Variants in PLEKHO2 observed in about 807,000 individuals in gnomAD.
The protein encoded by PLEKHO2 is pleckstrin homology domain-containing family O member 2.
PLEKHO2 carries 20 observed loss-of-function variants against 32.7 expected under a neutral mutation model. The observed-to-expected ratio is 0.61, with a 90% confidence interval of 0.43 to 0.89. The LOEUF (loss-of-function observed/expected upper bound fraction) is 0.89, where lower values mean the gene tolerates loss of function less well. PLEKHO2 is among the 40% of genes least tolerant of loss of function. The pLI is 0.00. For missense variants in PLEKHO2, 568 were observed against 621.2 expected, an observed-to-expected ratio of 0.91 and a Z score of 0.91; for synonymous variants, 247 against 246.3, an observed-to-expected ratio of 1.00 and a Z score of -0.03.
At chr15:64,849,934 G>A (rs186409502) in intron 2 of PLEKHO2, among the ~76,000 whole-genome samples, 3 of 151,720 alleles carry the variant, frequency 2.0e-5, no homozygotes, top group African/African-American at 7.3e-5. Flanking sequence ...GCCGAGGCAG[G>A]CGGATCACCT....
chr15:64,847,906 A>G (rs981776113), intron 1 of PLEKHO2, among the ~76,000 whole-genome samples: 3 of 152,132 alleles, frequency 2.0e-5, no homozygotes, highest in Admixed American at 2.0e-4. Flanking sequence ...GCAGATTGCC[A>G]CTCAGCCTGC....
chr15:64,847,079 T>G (rs1196250583), intron 1 of PLEKHO2, among the ~76,000 whole-genome samples: 1 of 152,218 alleles, frequency 6.6e-6, no homozygotes, highest in Non-Finnish European at 1.5e-5. Flanking sequence ...AGTGGTTTGC[T>G]TCAGTCTGCA....
chr15:64,857,320 G>A (rs1030933219), intron 3 of PLEKHO2, among the ~76,000 whole-genome samples: 2 of 152,122 alleles, frequency 1.3e-5, no homozygotes, highest in African/African-American at 4.8e-5. Context: ...TGGTTTTTGG[G>A]GAGAGGCACA....
chr15:64,863,528 T>A (rs895049859), intron 5 of PLEKHO2, among the ~76,000 whole-genome samples: 1 of 147,590 alleles, frequency 6.8e-6, no homozygotes, highest in Non-Finnish European at 1.5e-5. Context: ...TTTGTGTGTG[T>A]GTGTGTGTGT....
chr15:64,844,058 C>T (rs1049721661), intron 1 of PLEKHO2, among the ~76,000 whole-genome samples: 1 of 152,208 alleles, frequency 6.6e-6, no homozygotes, highest in African/African-American at 2.4e-5. Context: ...CAGTAGCTTC[C>T]GCTTGTTGCA....
intron 1 of PLEKHO2, 27 bp from the exon 2 acceptor site, chr15:64,848,566 A>G (rs920365593): frequency 6.2e-7 from 1 of 1,613,716 alleles, no homozygotes; most frequent in Non-Finnish European, 8.5e-7. Flanking sequence ...AGCAACCCTC[A>G]TGGTATGAAC....
chr15:64,847,176 G>T (rs537301719), intron 1 of PLEKHO2, among the ~76,000 whole-genome samples: 1 of 152,288 alleles, frequency 6.6e-6, no homozygotes, highest in Middle Eastern at 3.4e-3. Flanking sequence ...ACCAGGCTGG[G>T]GTTCCCCTGC....
At chr15:64,851,500 CTTAA>C (rs2084568722) in intron 2 of PLEKHO2, among the ~76,000 whole-genome samples, 1 of 152,158 alleles carries the variant, frequency 6.6e-6, no homozygotes, top group East Asian at 1.9e-4. Context: ...ATTTCAGGAA[CTTAA>C]CACTTAGGGG....
chr15:64,856,339 C>CT (rs1435731152), intron 3 of PLEKHO2, among the ~76,000 whole-genome samples: 3 of 152,118 alleles, frequency 2.0e-5, no homozygotes, highest in East Asian at 1.9e-4. Flanking sequence ...ATGTGTGTAT[C>CT]TTTTTTTAAT....
At chr15:64,854,604 G>T (rs1210845085) in intron 2 of PLEKHO2, among the ~76,000 whole-genome samples, 1 of 152,224 alleles carries the variant, frequency 6.6e-6, no homozygotes, top group Non-Finnish European at 1.5e-5. Context: ...CTCTGGGCAT[G>T]GCTGGACCCC....
chr15:64,849,635 G>T (rs113783650), intron 2 of PLEKHO2, among the ~76,000 whole-genome samples: 1,615 of 150,584 alleles, frequency 0.011, 7 homozygotes, highest in Middle Eastern at 0.021. Context: ...TAGAGACAGG[G>T]TTTCACCCTG....
chr15:64,855,353 G>T (rs550428950), intron 3 of PLEKHO2, among the ~76,000 whole-genome samples: 1 of 152,188 alleles, frequency 6.6e-6, no homozygotes, highest in Non-Finnish European at 1.5e-5. Context: ...GCACTTGGCT[G>T]TACCCCAGAC....
chr15:64,844,355 G>A (rs2084507828), intron 1 of PLEKHO2, among the ~76,000 whole-genome samples: 1 of 152,240 alleles, frequency 6.6e-6, no homozygotes, highest in African/African-American at 2.4e-5. Flanking sequence ...TGTGCTCCTG[G>A]CCTCGGTTCC....
chr15:64,859,922 C>A lies in PLEKHO2; in HGVS notation c.308C>A (p.Thr103Asn). 1 of 1,614,190 alleles carries A rather than the reference C, an allele frequency of 6.2e-7. No individual in the cohort carries two copies. The highest frequency in any genetic ancestry group is 8.5e-7 in the Non-Finnish European group (1 of 1,180,030). ...AGCGACATCAAATTCCAGGCACCCACCGGGGAGGAGAAGGAATCCTGGATC... is the reference window on the plus strand; with the variant it reads ...AGCGACATCAAATTCCAGGCACCCAACGGGGAGGAGAAGGAATCCTGGATC... ...KVSDIKFQAP[T>N]GEEKESWIKA... is the part of the protein sequence containing the mutation. Residue 103 changes from threonine to asparagine, a missense_variant, in exon 4 of 6, where the codon ACC becomes AAC. By Grantham distance (65) the Thr-to-Asn change is moderately conservative. Coordinates refer to ENST00000323544, the MANE Select transcript of PLEKHO2 (RefSeq NM_025201.5).
At chr15:64,851,571 T>C (rs953288976) in intron 2 of PLEKHO2, among the ~76,000 whole-genome samples, 2 of 152,186 alleles carry the variant, frequency 1.3e-5, no homozygotes, top group Non-Finnish European at 2.9e-5. Flanking sequence ...TCAATTCCTC[T>C]TTCTGATGTA....
rs772552574 is a variant in PLEKHO2 at position 64,859,960 on chromosome 15, G to A, written c.346G>A (p.Glu116Lys). 2 of 1,614,214 alleles carry A rather than the reference G, an allele frequency of 1.2e-6. No homozygotes were observed. The highest frequency in any genetic ancestry group is 1.1e-5 in the South Asian group (1 of 91,086). Reference sequence around the variant, plus strand: ...GGAATCCTGGATCAAAGCCCTCAATGAAGGGATTAACCGAGGCAAAAACAA... The same window carrying A: ...GGAATCCTGGATCAAAGCCCTCAATAAAGGGATTAACCGAGGCAAAAACAA... ...EKESWIKALNEGINRGKNKAF... is the reference protein window; with the variant it reads ...EKESWIKALNKGINRGKNKAF... The change falls in exon 4 of 6, where the codon GAA becomes AAA. Residue 116 changes from glutamate to lysine, a missense_variant. Physicochemically the swap from Glu to Lys is moderately conservative, Grantham distance 56 (BLOSUM62 1). Coordinates refer to ENST00000323544, the MANE Select transcript of PLEKHO2 (RefSeq NM_025201.5).
At chr15:64,852,086 G>T (rs2084573789) in intron 2 of PLEKHO2, among the ~76,000 whole-genome samples, 1 of 152,154 alleles carries the variant, frequency 6.6e-6, no homozygotes, top group Non-Finnish European at 1.5e-5. Flanking sequence ...GAGAAAGATG[G>T]CCAAGCAGGG....
Position 64,841,922 on chromosome 15 carries a change from G to T in PLEKHO2, c.-95G>T. 1 of 1,190,944 alleles carries T rather than the reference G, an allele frequency of 8.4e-7. No homozygotes were observed. Among genetic ancestry groups the T allele is most frequent in the South Asian group, 4.1e-5 (1 of 24,544 alleles). 73.8% of individuals were successfully genotyped at this position (1,190,944 alleles called of 1,614,324 possible). On this transcript the variant is annotated 5_prime_UTR_variant, in exon 1 of 6. Transcript: ENST00000323544. Reference sequence around the variant, plus strand: ...CCCGGCAGCCGGCGGGACAGAACGCGGAGAGTCGCCGCCTGGCCGGGCGTA... The same window carrying T: ...CCCGGCAGCCGGCGGGACAGAACGCTGAGAGTCGCCGCCTGGCCGGGCGTA...
intron 1 of PLEKHO2, among the ~76,000 whole-genome samples, chr15:64,847,483 G>A (rs2084531566): frequency 1.3e-5 from 2 of 152,252 alleles, no homozygotes; most frequent in Middle Eastern, 6.8e-3. Context: ...AAGCAAAGTG[G>A]TTAGCAAAGG....
Sources: allele counts gnomAD v4.1 joint callset (sites outside exome capture counted in the v4.1 genomes callset), GRCh38; gene constraint gnomAD v4.1.1; transcripts MANE v1.5; gene names NCBI Gene and HGNC (gene_info 2026-07-23, HGNC 2026-07-21).